The following TTC13 variants were observed in gnomAD, a reference collection of about 807,000 sequenced individuals.
TTC13 encodes tetratricopeptide repeat domain 13.
TTC13 carries 62 observed loss-of-function variants against 120.0 expected under a neutral mutation model. The observed-to-expected ratio is 0.52, with a 90% CI of 0.42 to 0.64. The LOEUF (loss-of-function observed/expected upper bound fraction) is 0.64, where lower values mean the gene tolerates loss of function less well. TTC13 is among the 30% of genes least tolerant of loss of function. The probability of loss-of-function intolerance (pLI) is 0.00; values close to 1 mark genes in which losing one functional copy is unlikely to be tolerated. For synonymous variants in TTC13, 384 were observed against 393.5 expected (o/e 0.98, Z 0.28); for missense variants, 824 against 1,050.2 (o/e 0.78, Z 2.98).
chr1:230,933,828 G>A lies in TTC13; in HGVS notation c.934C>T (p.Gln312Ter). 1 of 1,607,928 alleles carries A rather than the reference G, an allele frequency of 6.2e-7. No individual in the cohort carries two copies. Among genetic ancestry groups the A allele is most frequent in the Non-Finnish European group, 8.5e-7 (1 of 1,177,922 alleles). The change falls in exon 9 of 23, where the codon CAG becomes TAG. Residue 312 changes from glutamine to a stop codon, truncating the protein, a stop_gained. Coordinates refer to ENST00000366661, the MANE Select transcript of TTC13 (RefSeq NM_024525.5). LOFTEE classifies it high-confidence loss of function. ...TATGCATCAATAAAGTCAACTTTCTGCTTCAAAGCTTCTTTGAAGGATTCA... is the reference window on the plus strand; with the variant it reads ...TATGCATCAATAAAGTCAACTTTCTACTTCAAAGCTTCTTTGAAGGATTCA... ...AIESFKEALK[Q>*]KVDFIDAYKS...
intron 4 of TTC13, among the ~76,000 whole-genome samples, chr1:230,947,340 T>G (rs1205862612): frequency 6.6e-6 from 1 of 152,078 alleles, no homozygotes; most frequent in Admixed American, 6.5e-5. Context: ...GAATTAAAAG[T>G]AAGACTGGCG....
At chr1:230,915,808 T>G (rs768054480) in intron 18 of TTC13, among the ~76,000 whole-genome samples, 20 of 151,976 alleles carry the variant, frequency 1.3e-4, no homozygotes, top group Non-Finnish European at 2.5e-4. Flanking sequence ...TATATATATA[T>G]AGATTGGCTT....
intron 4 of TTC13, among the ~76,000 whole-genome samples, chr1:230,952,838 T>C (rs551740279): frequency 6.6e-6 from 1 of 152,328 alleles, no homozygotes; most frequent in East Asian, 1.9e-4. Flanking sequence ...ATAAAAAATT[T>C]AAACAATGTT....
chr1:230,961,292 A>G lies in TTC13; in HGVS notation c.283T>C (p.Leu95=). The change falls in exon 2 of 23, where the codon TTG becomes CTG. Residue 95 remains leucine (L), a synonymous_variant. Transcript: ENST00000366661. ...TCGCAGTCTGAGTCATGGAAGTTCA[A>G]AAAGGATGACTCTGAAAGGCAAGCA... ...YSAECGESSF[L]NFHDSDCEPK... The G allele has an allele frequency of 6.2e-7, 1 of 1,613,348 alleles. No homozygotes were observed. Among genetic ancestry groups the G allele is most frequent in the Non-Finnish European group, 8.5e-7 (1 of 1,179,478 alleles).
rs16853323 is a variant in TTC13, at chr1:230,936,865, C to T, written c.900+2521G>A. ...ATTTATTAATTCAGCCGTTTCACTA[C>T]CGACTCAGTTTTCCAATCTGTGTAA... is the stretch of plus-strand genomic sequence containing the variant. On this transcript the variant is annotated intron_variant, in intron 8 of 22. Coordinates refer to ENST00000366661, the MANE Select transcript of TTC13 (RefSeq NM_024525.5). Among the ~76,000 whole-genome samples the T allele has an allele frequency of 7.4e-3, 1,128 of 152,276 alleles. 12 individuals carry two copies. Among genetic ancestry groups the T allele is most frequent in the African/African-American group, 0.026 (1,060 of 41,550 alleles).
chr1:230,917,098 G>C (rs1235536179), intron 17 of TTC13, among the ~76,000 whole-genome samples: 1 of 152,172 alleles, frequency 6.6e-6, no homozygotes, highest in Admixed American at 6.5e-5. Flanking sequence ...GATGCACCAG[G>C]TGTCACCAGC....
rs141025934 is a variant in TTC13, at chr1:230,960,782, A to G, written c.366+427T>C. Among the ~76,000 whole-genome samples the G allele has an allele frequency of 5.5e-3, 845 of 152,294 alleles. 6 individuals are homozygous for G. The highest frequency in any genetic ancestry group is 0.014 in the Middle Eastern group (4 of 294). ...AGGCTGGAGGAGGAGATGCACTAAC[A>G]TGGATAGGCAGACGCAAACATTAGC... is the stretch of plus-strand genomic sequence containing the variant. On this transcript the variant is annotated intron_variant, in intron 2 of 22. Coordinates refer to ENST00000366661, the MANE Select transcript of TTC13 (RefSeq NM_024525.5).
At chr1:230,938,353 G>A (rs1436936297) in intron 8 of TTC13, among the ~76,000 whole-genome samples, 1 of 152,146 alleles carries the variant, frequency 6.6e-6, no homozygotes, top group Non-Finnish European at 1.5e-5. Context: ...GGAGGCCCAG[G>A]TGAGAGAGGC....
At chr1:230,918,119 T>C (rs566939379) in intron 17 of TTC13, among the ~76,000 whole-genome samples, 91 of 152,362 alleles carry the variant, frequency 6.0e-4, no homozygotes, top group African/African-American at 2.1e-3. Flanking sequence ...TATCATTTAA[T>C]CAATATGTGG....
At chr1:230,973,626 T>C (rs1417541881) in intron 1 of TTC13, among the ~76,000 whole-genome samples, 2 of 152,346 alleles carry the variant, frequency 1.3e-5, no homozygotes, top group East Asian at 3.9e-4. Context: ...TTGTTACTAC[T>C]ACATTTTCAA....
In TTC13 at chr1:230,942,187, T is replaced by C. The variant is rs1388499733; in HGVS notation, c.672+1619A>G. Among the ~76,000 whole-genome samples, 2 of 152,224 alleles carry C rather than the reference T, an allele frequency of 1.3e-5. No individual in the cohort carries two copies. Among genetic ancestry groups the C allele is most frequent in the East Asian group, 1.9e-4 (1 of 5,190 alleles). On this transcript the variant is annotated intron_variant, in intron 6 of 22. Transcript: ENST00000366661. The surrounding 1 kb of genome is among the most constrained non-coding windows in gnomAD (Gnocchi z 4.0). ...CTGTTAAATAATTCTTACCTAAATATACTTAACTCATGATTTACCAGATTT... is the reference window on the plus strand; with the variant it reads ...CTGTTAAATAATTCTTACCTAAATACACTTAACTCATGATTTACCAGATTT...
chr1:230,914,092 G>A (rs929370185), intron 18 of TTC13, among the ~76,000 whole-genome samples: 7 of 152,146 alleles, frequency 4.6e-5, no homozygotes, highest in Admixed American at 1.3e-4. Flanking sequence ...GAGTCGACTC[G>A]AGGGGTCAGG....
rs756057144 is a variant in TTC13, at chr1:230,954,399, A to G, written c.447T>C (p.Ile149=). 9.3e-6 allele frequency: 15 copies of G among 1,609,164 alleles called. No homozygotes were observed. In the South Asian group the frequency reaches 1.7e-4, roughly 18 times the overall value. ...GACCACTGCCAATCAAGACATAAGC[A>G]ATAGCTATGAAACAAAATACAAAAA... is the stretch of plus-strand genomic sequence containing the variant. The part of the protein sequence containing the change: ...DNDSTNEELA[I]AYVLIGSGLY... The change falls in exon 4 of 23, where the codon ATT becomes ATC. Residue 149 remains isoleucine, a synonymous_variant. Transcript: ENST00000366661.
intron 1 of TTC13, among the ~76,000 whole-genome samples, chr1:230,971,807 C>G (rs1205229084): frequency 6.6e-6 from 1 of 152,184 alleles, no homozygotes; most frequent in East Asian, 1.9e-4. Context: ...AGAAGGATGC[C>G]TTAACCAACA....
chr1:230,969,210 C>T (rs569357630), intron 1 of TTC13, among the ~76,000 whole-genome samples: 4 of 151,800 alleles, frequency 2.6e-5, no homozygotes, highest in East Asian at 3.9e-4. Context: ...TGCAGTGAGC[C>T]GAGATTGCGC....
chr1:230,958,206 A>ACCAGATATT lies in TTC13; in HGVS notation c.442+17_442+18insAATATCTGG. 6.2e-7 allele frequency: 1 copy of ACCAGATATT among 1,609,046 alleles called. No individual in the cohort carries two copies. Among genetic ancestry groups the ACCAGATATT allele is most frequent in the Non-Finnish European group, 8.5e-7 (1 of 1,178,430 alleles). ...TTGAGGCAAATATTACAGGAATATTACCAGATTCAAGTCTTACCTAACTCT... is the reference window on the plus strand; with the variant it reads ...TTGAGGCAAATATTACAGGAATATTACCAGATATTCCAGATTCAAGTCTTACCTAACTCT... On this transcript the variant is annotated intron_variant, in intron 3 of 22. Coordinates refer to ENST00000366661, the MANE Select transcript of TTC13 (RefSeq NM_024525.5).
chr1:230,916,076 C>T, intron 18 of TTC13, 117 bp downstream of exon 18: 1 of 775,066 alleles, frequency 1.3e-6, no homozygotes, highest in African/African-American at 1.7e-5. Flanking sequence ...GACCTTGATA[C>T]TTTTCATTTC....
intron 12 of TTC13, among the ~76,000 whole-genome samples, chr1:230,926,170 T>C (rs1400690510): frequency 6.6e-6 from 1 of 152,056 alleles, no homozygotes; most frequent in Non-Finnish European, 1.5e-5. Flanking sequence ...GCTCAGAAAT[T>C]GGCTGAAAGG....
Position 230,954,367 on chromosome 1 carries a change from T to A in TTC13, c.479A>T (p.Asp160Val). The change falls in exon 4 of 23, where the codon GAT becomes GTT. Residue 160 changes from aspartate (D) to valine (V), a missense_variant. By Grantham distance (152) the Asp-to-Val change is radical. Around this residue, in one of 4 missense-constraint regions of TTC13, gnomAD observed 430 missense variants for 626.8 expected, o/e 0.69. Transcript: ENST00000366661. ...TGTTGAAAAATGCCGTATTGCTTCATCATACAGACCACTGCCAATCAAGAC... is the reference window on the plus strand; with the variant it reads ...TGTTGAAAAATGCCGTATTGCTTCAACATACAGACCACTGCCAATCAAGAC... ...AYVLIGSGLY[D>V]EAIRHFSTML... The A allele has an allele frequency of 6.2e-7, 1 of 1,612,866 alleles. No individual in the cohort carries two copies. The highest frequency in any genetic ancestry group is 8.5e-7 in the Non-Finnish European group (1 of 1,179,396).
Sources: gnomAD v4.1 joint callset for allele counts (sites outside exome capture counted in the v4.1 genomes callset) on GRCh38, gnomAD v4.1.1 for gene constraint, gnomAD v4.1.1 regional missense constraint, Gnocchi (gnomAD v3.1) non-coding constraint, MANE v1.5 for transcripts, NCBI Gene and HGNC (gene_info 2026-07-23, HGNC 2026-07-21) for gene names.